The following RAB4B variants were observed in gnomAD, a reference collection of about 807,000 sequenced individuals.
RAB4B encodes the protein RAB4B, member RAS oncogene family, also known as ras-related protein Rab-4B.
A neutral mutation model predicts 28.3 loss-of-function variants in RAB4B; 15 were observed. The observed-to-expected ratio is 0.53, with a 90% CI of 0.35 to 0.82. The LOEUF (loss-of-function observed/expected upper bound fraction) is 0.82, where lower values mean the gene tolerates loss of function less well. Among genes scored for constraint, RAB4B ranks in the 40% least tolerant of loss-of-function variants. The pLI is 0.01. For synonymous variants in RAB4B, 108 were observed against 116.3 expected, an observed-to-expected ratio of 0.93 and a Z score of 0.46; for missense variants, 244 against 288.5, an observed-to-expected ratio of 0.85 and a Z score of 1.12.
chr19:40,795,282 C>T (rs934218265), intron 7 of RAB4B, among the ~76,000 whole-genome samples: 38 of 151,880 alleles, frequency 2.5e-4, no homozygotes, highest in African/African-American at 9.2e-4. Context: ...ACGTTGTCTC[C>T]CCAGCTTGGG....
chr19:40,779,773 C>T, intron 1 of RAB4B: 1 of 951,520 alleles, frequency 1.1e-6, no homozygotes, highest in South Asian at 2.4e-5. Context: ...ACAAAAAAAC[C>T]CCTGCACATG....
chr19:40,793,915 C>A (rs1393855730), intron 7 of RAB4B, among the ~76,000 whole-genome samples: 1 of 151,786 alleles, frequency 6.6e-6, no homozygotes, highest in African/African-American at 2.4e-5. Flanking sequence ...CAGAGCTAGA[C>A]TCCGTCTCAC....
In RAB4B at chr19:40,786,654, T is replaced by C. The variant is rs370534950; in HGVS notation, c.431-11T>C. 1.5e-5 allele frequency: 25 copies of C among 1,613,826 alleles called. No homozygotes were observed. In the African/African-American group the frequency reaches 3.2e-4, roughly 21 times the overall value. ...ACTGGGGCCCTGACCTCAGAGTGTG[T>C]GCCCCTGCAGAGCTGATGTTCCTGG... On this transcript the variant is annotated splice_polypyrimidine_tract_variant and intron_variant, in intron 5 of 7. Coordinates refer to ENST00000357052, the MANE Select transcript of RAB4B (RefSeq NM_016154.5).
At position 40,796,645 on chromosome 19, in the gene RAB4B, GC is replaced by G. The variant is rs34205730; in HGVS notation, c.*95del. ...AGAGGCCGTGTCCTAACCTGCCCTG[GC>G]CCCGGAGAAGCTACGTTGCCACCTG... On this transcript the variant is annotated 3_prime_UTR_variant, in exon 8 of 8. Transcript: ENST00000357052. The G allele has an allele frequency of 0.28, 42,121 of 152,842 alleles. 7,305 individuals are homozygous for G. The highest frequency in any genetic ancestry group is 0.43 in the East Asian group (2,240 of 5,172). 9.5% of individuals were successfully genotyped at this position (152,842 alleles called of 1,614,324 possible). A position where few individuals can be genotyped will look rare whatever the true frequency, so the allele number is the denominator to read the frequency against.
intron 7 of RAB4B, among the ~76,000 whole-genome samples, chr19:40,791,948 G>A (rs749669680): frequency 6.6e-6 from 1 of 152,292 alleles, no homozygotes; most frequent in Non-Finnish European, 1.5e-5. Context: ...CTTCTTGACA[G>A]GCTTTCAAAA....
At chr19:40,795,475 C>T (rs1467376315) in intron 7 of RAB4B, among the ~76,000 whole-genome samples, 1 of 151,874 alleles carries the variant, frequency 6.6e-6, no homozygotes, top group Non-Finnish European at 1.5e-5. Context: ...TCTTGGCTCA[C>T]TGCAACCTCC....
chr19:40,785,524 A>G (rs1480667544), intron 5 of RAB4B: 1 of 152,148 alleles, frequency 6.6e-6, no homozygotes, highest in African/African-American at 2.4e-5. Context: ...GAAAAAAACA[A>G]AAAAGGTTTG....
At chr19:40,784,106 T>G (rs1039126436) in intron 5 of RAB4B, 31 bp downstream of exon 5, 4 of 1,582,982 alleles carry the variant, frequency 2.5e-6, no homozygotes, top group Admixed American at 1.7e-5. Context: ...CAGGTGGTGG[T>G]GGGGGTGGAC....
At chr19:40,788,703 C>T (rs1056659615) in intron 7 of RAB4B, among the ~76,000 whole-genome samples, 1 of 150,110 alleles carries the variant, frequency 6.7e-6, no homozygotes, top group African/African-American at 2.4e-5. Flanking sequence ...TCTCCTGCCT[C>T]AGCCTCCCGA....
Position 40,778,307 on chromosome 19 carries a change from C to G in RAB4B, c.-69C>G, listed in dbSNP as rs538915734. The stretch of plus-strand genomic sequence containing the variant: ...AGCCGGGGCTGTAGCCGGAGTGGAG[C>G]GGCTGCCAGCCGAGGAGCAGGCGCG... On this transcript the variant is annotated 5_prime_UTR_variant, in exon 1 of 8. Coordinates refer to ENST00000357052, the MANE Select transcript of RAB4B (RefSeq NM_016154.5). 2 of 1,445,794 alleles carry G rather than the reference C, an allele frequency of 1.4e-6. No homozygotes were observed. The highest frequency in any genetic ancestry group is 9.2e-7 in the Non-Finnish European group (1 of 1,090,762). 89.6% of individuals were successfully genotyped at this position (1,445,794 alleles called of 1,614,324 possible). A position where few individuals can be genotyped will look rare whatever the true frequency, so the allele number is the denominator to read the frequency against.
At chr19:40,789,391 G>A (rs1362459424) in intron 7 of RAB4B, among the ~76,000 whole-genome samples, 10 of 150,776 alleles carry the variant, frequency 6.6e-5, no homozygotes, top group Non-Finnish European at 1.5e-4. Context: ...TAGTAGAGAC[G>A]GGGTTTCTCC....
chr19:40,778,581 T>C (rs1250910135), intron 1 of RAB4B, among the ~76,000 whole-genome samples, 190 bp downstream of exon 1: 1 of 152,084 alleles, frequency 6.6e-6, no homozygotes, highest in East Asian at 1.9e-4. Context: ...CCTGAGGGTC[T>C]GGTGCGTGGG....
chr19:40,786,621 G>T, intron 5 of RAB4B, 44 bp from the exon 6 acceptor site: 1 of 1,610,698 alleles, frequency 6.2e-7, no homozygotes, highest in South Asian at 1.1e-5. Flanking sequence ...AGTGGAGGGT[G>T]GGGACTAACT....
In RAB4B at chr19:40,783,827, T is replaced by C. The variant is rs1380641347; in HGVS notation, c.262T>C (p.Tyr88His). ...YRGAAGALLV[Y>H]DITSRETYNS... ...AGGGGCGGCTGGAGCCCTGCTGGTG[T>C]ACGACATCACCAGGTGGGTGCCCGG... is the stretch of plus-strand genomic sequence containing the variant. The change falls in exon 4 of 8, where the codon TAC becomes CAC. Residue 88 changes from tyrosine (Y) to histidine (H), a missense_variant. By Grantham distance (83) the Tyr-to-His change is moderately conservative. Coordinates refer to ENST00000357052, the MANE Select transcript of RAB4B (RefSeq NM_016154.5). The C allele has an allele frequency of 2.0e-6, 3 of 1,489,276 alleles. No individual in the cohort carries two copies. Among genetic ancestry groups the C allele is most frequent in the Admixed American group, 3.7e-5 (2 of 54,268 alleles). The allele number at this position is 1,489,276 out of a possible 1,614,324, so 92.3% of individuals were successfully genotyped here.
rs1478477991 is a variant in RAB4B, at chr19:40,783,835, C to T, written c.270C>T (p.Ile90=). Residue 90 remains isoleucine, a synonymous_variant, in exon 4 of 8, where the codon ATC becomes ATT. Transcript: ENST00000357052. ...GAAGALLVYD[I]TSRETYNSLA... is the part of the protein sequence containing the mutation. ...CTGGAGCCCTGCTGGTGTACGACAT[C>T]ACCAGGTGGGTGCCCGGGGTGGGTG... 4 of 1,578,346 alleles carry T rather than the reference C, an allele frequency of 2.5e-6. No homozygotes were observed. The African/African-American group carries it at 4.0e-5, about 16-fold the overall frequency.
chr19:40,781,268 CAG>C (rs1348541812), intron 3 of RAB4B, among the ~76,000 whole-genome samples: 2 of 150,138 alleles, frequency 1.3e-5, no homozygotes, highest in African/African-American at 4.9e-5. Context: ...GCCGGGGTGA[CAG>C]AGCGAGACTC....
At chr19:40,786,556 G>C in intron 5 of RAB4B, 109 bp from the exon 6 acceptor site, 1 of 1,518,776 alleles carries the variant, frequency 6.6e-7, no homozygotes, top group Non-Finnish European at 8.9e-7. Context: ...TGAGGTGAGG[G>C]TAAGGGGGGA....
intron 7 of RAB4B, among the ~76,000 whole-genome samples, chr19:40,793,651 C>T (rs1168237415): frequency 4.1e-5 from 6 of 145,872 alleles, no homozygotes; most frequent in African/African-American, 1.0e-4. Flanking sequence ...CCTTGCCGGG[C>T]GCAGTGGCTC....
chr19:40,778,298 G>C lies in RAB4B; in HGVS notation c.-78G>C. The C allele has an allele frequency of 2.9e-6, 4 of 1,400,654 alleles. No individual in the cohort carries two copies. Among genetic ancestry groups the C allele is most frequent in the Non-Finnish European group, 3.8e-6 (4 of 1,050,482 alleles). 86.8% of individuals were successfully genotyped at this position (1,400,654 alleles called of 1,614,324 possible). On this transcript the variant is annotated 5_prime_UTR_variant, in exon 1 of 8. Transcript: ENST00000357052. Reference sequence around the variant, plus strand: ...GTAGGAAGGAGCCGGGGCTGTAGCCGGAGTGGAGCGGCTGCCAGCCGAGGA... The same window carrying C: ...GTAGGAAGGAGCCGGGGCTGTAGCCCGAGTGGAGCGGCTGCCAGCCGAGGA...
Sources: gnomAD v4.1 joint callset for allele counts (sites outside exome capture counted in the v4.1 genomes callset) on GRCh38, gnomAD v4.1.1 for gene constraint, MANE v1.5 for transcripts, NCBI Gene and HGNC (gene_info 2026-07-23, HGNC 2026-07-21) for gene names.